PTPRD: variants seen among roughly 807,000 people sequenced by gnomAD.
The protein encoded by PTPRD is receptor-type tyrosine-protein phosphatase delta.
In PTPRD, 34 loss-of-function variants were observed where a neutral mutation model predicts 214.5. The ratio of observed to expected loss-of-function variants is 0.16; its 90% CI spans 0.12 to 0.21. The LOEUF (loss-of-function observed/expected upper bound fraction) is 0.21. PTPRD is among the 10% of genes least tolerant of loss of function. The pLI is 1.00. For synonymous variants in PTPRD, 1,128 were observed against 845.7 expected (o/e 1.33, Z -5.79); for missense variants, 2,545 against 2,398.7 (o/e 1.06, Z -1.27).
chr9:10,583,457 CTT>C (rs34055386), intron 2 of PTPRD, among the ~76,000 whole-genome samples: 5 of 145,442 alleles, frequency 3.4e-5, no homozygotes, highest in Admixed American at 2.1e-4. Context: ...ACTAGAAGTT[CTT>C]TTTTTTTTTT....
chr9:9,013,184 G>C (rs935743230), intron 11 of PTPRD, among the ~76,000 whole-genome samples: 2 of 151,810 alleles, frequency 1.3e-5, no homozygotes, highest in African/African-American at 2.4e-5. Flanking sequence ...GGCATTGGGG[G>C]TTTACATCAA....
intron 2 of PTPRD, among the ~76,000 whole-genome samples, chr9:10,599,946 T>G (rs2077551178): frequency 6.6e-6 from 1 of 151,736 alleles, no homozygotes; most frequent in Admixed American, 6.6e-5. Context: ...ATGGGTTCTT[T>G]AGATGATAGG....
intron 11 of PTPRD, among the ~76,000 whole-genome samples, chr9:8,944,203 A>G (rs1464175378): frequency 1.3e-5 from 2 of 152,296 alleles, no homozygotes; most frequent in African/African-American, 4.8e-5. Context: ...ACAATGAGAT[A>G]TCATCTCACT....
chr9:8,325,294 T>C (rs991215455), intron 44 of PTPRD, among the ~76,000 whole-genome samples: 1 of 148,990 alleles, frequency 6.7e-6, no homozygotes, highest in African/African-American at 2.5e-5. Context: ...GGATCCAGTC[T>C]CAGTTTTCTG....
chr9:9,434,738 A>G (rs1193404398), intron 8 of PTPRD, among the ~76,000 whole-genome samples: 3 of 151,790 alleles, frequency 2.0e-5, no homozygotes, highest in Non-Finnish European at 4.4e-5. Flanking sequence ...CGTACCCCAT[A>G]AATATGTACA....
chr9:10,361,928 G>C (rs2097400554), intron 2 of PTPRD, among the ~76,000 whole-genome samples: 1 of 152,174 alleles, frequency 6.6e-6, no homozygotes, highest in African/African-American at 2.4e-5. Flanking sequence ...CTTCTATGCA[G>C]AGAACAAAAG....
intron 10 of PTPRD, among the ~76,000 whole-genome samples, chr9:9,024,586 T>TA (rs2099581136): frequency 6.6e-6 from 1 of 151,748 alleles, no homozygotes; most frequent in South Asian, 2.1e-4. Flanking sequence ...AAGCTAATAG[T>TA]AGATATTATC....
intron 2 of PTPRD, among the ~76,000 whole-genome samples, chr9:10,577,676 T>C (rs1232417845): frequency 6.6e-6 from 1 of 152,176 alleles, no homozygotes; most frequent in Non-Finnish European, 1.5e-5. Context: ...ACTGATAAAA[T>C]ATGATTTACC....
chr9:9,068,018 A>G (rs1224478558), intron 10 of PTPRD, among the ~76,000 whole-genome samples: 1 of 152,220 alleles, frequency 6.6e-6, no homozygotes, highest in East Asian at 1.9e-4. Context: ...ATCTCTGGCA[A>G]CACTGCTCTG....
At chr9:9,693,130 G>C (rs2097304614) in intron 7 of PTPRD, among the ~76,000 whole-genome samples, 1 of 151,050 alleles carries the variant, frequency 6.6e-6, no homozygotes, top group Non-Finnish European at 1.5e-5. Context: ...TTGTCTGTTT[G>C]GTCTAGCTAA....
At chr9:10,044,481 G>T (rs1166150443) in intron 3 of PTPRD, among the ~76,000 whole-genome samples, 2 of 151,724 alleles carry the variant, frequency 1.3e-5, no homozygotes, top group African/African-American at 4.8e-5. Context: ...ACAAACAGAG[G>T]TGTTAAAATC....
At chr9:9,582,599 T>G (rs930628230) in intron 7 of PTPRD, among the ~76,000 whole-genome samples, 1 of 152,106 alleles carries the variant, frequency 6.6e-6, no homozygotes, top group African/African-American at 2.4e-5. Context: ...TAACTGCTAA[T>G]GGGTAAAGAA....
At chr9:10,367,377 A>T (rs1444065092) in intron 2 of PTPRD, among the ~76,000 whole-genome samples, 1 of 152,126 alleles carries the variant, frequency 6.6e-6, no homozygotes, top group Non-Finnish European at 1.5e-5. Flanking sequence ...AATAATCATA[A>T]AAGGAAGAGT....
chr9:9,423,084 T>C (rs1046948256), intron 8 of PTPRD, among the ~76,000 whole-genome samples: 1 of 152,116 alleles, frequency 6.6e-6, no homozygotes, highest in Non-Finnish European at 1.5e-5. Context: ...GAAGTTCTTG[T>C]TTGGAGGGAT....
intron 12 of PTPRD, among the ~76,000 whole-genome samples, chr9:8,666,507 G>A (rs764474620): frequency 1.3e-5 from 2 of 152,150 alleles, no homozygotes; most frequent in African/African-American, 2.4e-5. Context: ...CCTTATAGGT[G>A]TCACTGCCTC....
intron 3 of PTPRD, among the ~76,000 whole-genome samples, chr9:10,309,663 C>G (rs964240422): frequency 6.6e-6 from 1 of 152,002 alleles, no homozygotes; most frequent in Middle Eastern, 3.4e-3. Context: ...CCACACCTGG[C>G]GCCAACTAAT....
At chr9:8,875,622 TTA>T (rs986034583) in intron 11 of PTPRD, among the ~76,000 whole-genome samples, 10 of 115,798 alleles carry the variant, frequency 8.6e-5, no homozygotes, top group Non-Finnish European at 2.2e-4. Flanking sequence ...AAGTTGACAG[TTA>T]TAAGATAAGC....
chr9:9,085,984 G>C (rs2099766514), intron 10 of PTPRD, among the ~76,000 whole-genome samples: 1 of 152,086 alleles, frequency 6.6e-6, no homozygotes, highest in African/African-American at 2.4e-5. Context: ...TTTTGGGCTA[G>C]CCTTACAAAA....
chr9:9,421,813 C>T (rs1294639983), intron 8 of PTPRD, among the ~76,000 whole-genome samples: 1 of 152,066 alleles, frequency 6.6e-6, no homozygotes, highest in Non-Finnish European at 1.5e-5. Flanking sequence ...ACATTCTTGG[C>T]ACATGGTGTG....
Sources: gnomAD v4.1 joint callset for allele counts (sites outside exome capture counted in the v4.1 genomes callset) on GRCh38, gnomAD v4.1.1 for gene constraint, MANE v1.5 for transcripts, NCBI Gene and HGNC (gene_info 2026-07-23, HGNC 2026-07-21) for gene names.